The following CELSR3 variants were observed in gnomAD, a reference collection of about 807,000 sequenced individuals.
CELSR3 encodes cadherin EGF LAG seven-pass G-type receptor 3.
Under a neutral mutation model 270.0 loss-of-function variants are expected in CELSR3, and 73 were observed. The ratio of observed to expected loss-of-function variants is 0.27; its 90% CI spans 0.22 to 0.33. The LOEUF (loss-of-function observed/expected upper bound fraction) is 0.33, where lower values mean the gene tolerates loss of function less well. Ranked by LOEUF, CELSR3 falls within the 10% of genes least tolerant of loss-of-function variation. CELSR3 has a pLI of 1.00. For synonymous variants in CELSR3, 1,780 were observed against 1,905.4 expected (o/e 0.93, Z 1.71); for missense variants, 3,614 against 4,533.8 (o/e 0.80, Z 5.83).
rs775987993 is a variant in CELSR3, at chr3:48,652,981, C to A, written c.5634+21G>T. On this transcript the variant is annotated intron_variant, in intron 10 of 34. Transcript: ENST00000164024. The surrounding 1 kb of genome is among the most constrained non-coding windows in gnomAD (Gnocchi z 4.3). ...TGGTTGGAAGGCTGAGAACAGACTACCCCGGGGTCAGAGGCCAGACCTGGA... is the reference window on the plus strand; with the variant it reads ...TGGTTGGAAGGCTGAGAACAGACTAACCCGGGGTCAGAGGCCAGACCTGGA... The A allele has an allele frequency of 6.2e-7, 1 of 1,608,398 alleles. No individual in the cohort carries two copies. The highest frequency in any genetic ancestry group is 1.1e-5 in the South Asian group (1 of 90,780).
In CELSR3 at chr3:48,644,709, C is replaced by T. The variant is rs376529175; in HGVS notation, c.8085+7G>A. On this transcript the variant is annotated splice_region_variant and intron_variant, in intron 26 of 34. Transcript: ENST00000164024. This position sits in a 1 kb window ranked among gnomAD's most constrained non-coding sequence, Gnocchi z 4.8. ...TACAGAGGGGGCACCAAGTCCAGGGCACTCACCACTATGACCAGGACAACA... is the reference window on the plus strand; with the variant it reads ...TACAGAGGGGGCACCAAGTCCAGGGTACTCACCACTATGACCAGGACAACA... 4 of 1,607,394 alleles carry T rather than the reference C, an allele frequency of 2.5e-6. No homozygotes were observed. The highest frequency in any genetic ancestry group is 3.4e-6 in the Non-Finnish European group (4 of 1,174,598).
chr3:48,643,862 A>C (rs988597441), intron 27 of CELSR3, 185 bp from the exon 28 acceptor site: 1 of 675,540 alleles, frequency 1.5e-6, no homozygotes. Context: ...ACAGGAGAGC[A>C]GTCAAAGAGC....
rs749822186 is a variant in CELSR3, at chr3:48,661,402, C to T, written c.1233G>A (p.Pro411=). ...CCACCATCGTGGTGGCCGAGAGGCG[C>T]GGCGACCCGTGGTCCTGCGCGGTCA... ...LRVTAQDHGS[P]RLSATTMVAV... Residue 411 remains proline (P), a synonymous_variant, in exon 1 of 35, where the codon CCG becomes CCA. Transcript: ENST00000164024. 1 of 1,612,364 alleles carries T rather than the reference C, an allele frequency of 6.2e-7. No homozygotes were observed. Among genetic ancestry groups the T allele is most frequent in the Non-Finnish European group, 8.5e-7 (1 of 1,179,798 alleles).
Position 48,650,274 on chromosome 3 carries a change from C to A in CELSR3, c.6472+206G>T. ...CACCTGAGCAAACACGTACCCCTTA[C>A]CTGCACCCCGCAATCCTGCCCAGAA... On this transcript the variant is annotated intron_variant, in intron 16 of 34. Coordinates refer to ENST00000164024, the MANE Select transcript of CELSR3 (RefSeq NM_001407.3). This position sits in a 1 kb window ranked among gnomAD's most constrained non-coding sequence, Gnocchi z 5.1. 1.5e-6 allele frequency: 1 copy of A among 677,372 alleles called. No individual in the cohort carries two copies. 42.0% of individuals were successfully genotyped at this position (677,372 alleles called of 1,614,324 possible).
Position 48,644,588 on chromosome 3 carries a change from G to GA in CELSR3, c.8085+127dup, listed in dbSNP as rs1376596853. On this transcript the variant is annotated intron_variant, in intron 26 of 34. Transcript: ENST00000164024. The surrounding 1 kb of genome is among the most constrained non-coding windows in gnomAD (Gnocchi z 4.8). ...GGGGGTGGCTACTGACCAGAGGACA[G>GA]AAAAAATGAAGGCCGAGCCCAGGAA... The GA allele has an allele frequency of 3.9e-6, 3 of 764,286 alleles. No individual in the cohort carries two copies. The highest frequency in any genetic ancestry group is 6.5e-6 in the Non-Finnish European group (3 of 460,798). The allele number at this position is 764,286 out of a possible 1,614,324, so 47.3% of individuals were successfully genotyped here.
At position 48,654,597 on chromosome 3, in the gene CELSR3, A is replaced by G; in HGVS notation, c.4989-145T>C. ...AGGCCGAGCTGTGGAAGGAGTTAGGATCTTACTTCAGTTGGGGTGCAAAGG... is the reference window on the plus strand; with the variant it reads ...AGGCCGAGCTGTGGAAGGAGTTAGGGTCTTACTTCAGTTGGGGTGCAAAGG... On this transcript the variant is annotated intron_variant, in intron 6 of 34. Transcript: ENST00000164024. This position sits in a 1 kb window ranked among gnomAD's most constrained non-coding sequence, Gnocchi z 5.4. The G allele has an allele frequency of 1.4e-6, 1 of 720,658 alleles. No individual in the cohort carries two copies. Among genetic ancestry groups the G allele is most frequent in the Non-Finnish European group, 2.3e-6 (1 of 439,748 alleles). The allele number at this position is 720,658 out of a possible 1,614,324, so 44.6% of individuals were successfully genotyped here. A position where few individuals can be genotyped will look rare whatever the true frequency, so the allele number is the denominator to read the frequency against.
chr3:48,640,374 G>A lies in CELSR3; in HGVS notation c.9211C>T (p.Gln3071Ter), dbSNP rs756567140. ...TGCCGCCGGAGGAGCAGGTCCAGCTGTTCTCTAGAAGAGTAGCGGCTGGCT... is the reference window on the plus strand; with the variant it reads ...TGCCGCCGGAGGAGCAGGTCCAGCTATTCTCTAGAAGAGTAGCGGCTGGCT... ...QPASRYSSRE[Q>*]LDLLLRRQLS... is the part of the protein sequence containing the mutation. The change falls in exon 34 of 35, where the codon CAG (glutamine) becomes TAG (stop). Residue 3071 changes from glutamine (Q) to a stop codon, truncating the protein, a stop_gained. Transcript: ENST00000164024. LOFTEE classifies it high-confidence loss of function. The surrounding 1 kb of genome is among the most constrained non-coding windows in gnomAD (Gnocchi z 7.5). 1.9e-6 allele frequency: 3 copies of A among 1,612,730 alleles called. No individual in the cohort carries two copies. The highest frequency in any genetic ancestry group is 1.3e-5 in the African/African-American group (1 of 75,028).
chr3:48,660,210 C>A lies in CELSR3; in HGVS notation c.2425G>T (p.Gly809Cys), dbSNP rs1168197128. The change falls in exon 1 of 35, where the codon GGT becomes TGT. Residue 809 changes from glycine (G) to cysteine (C), a missense_variant. Physicochemically the swap from Gly to Cys is radical, Grantham distance 159 (BLOSUM62 -3). This residue lies in a region of CELSR3 where 215 missense variants were observed against 241.2 expected (regional missense o/e 0.89). Transcript: ENST00000164024. The surrounding 1 kb of genome is among the most constrained non-coding windows in gnomAD (Gnocchi z 5.5). ...RNRFAISTQGGVGLVTLALPL... is the reference protein window; with the variant it reads ...RNRFAISTQGCVGLVTLALPL... ...AGAGCCAGAGTCACCAGACCCACAC[C>A]CCCCTGGGTGCTGATGGCAAAGCGA... 3.7e-6 allele frequency: 6 copies of A among 1,614,014 alleles called. No homozygotes were observed. Among genetic ancestry groups the A allele is most frequent in the East Asian group, 2.2e-5 (1 of 44,894 alleles).
chr3:48,659,603 G>A lies in CELSR3; in HGVS notation c.3032C>T (p.Thr1011Ile). The A allele has an allele frequency of 1.9e-6, 3 of 1,614,170 alleles. No individual in the cohort carries two copies. The highest frequency in any genetic ancestry group is 2.5e-6 in the Non-Finnish European group (3 of 1,180,044). Residue 1011 changes from threonine (T) to isoleucine (I), a missense_variant, in exon 1 of 35, where the codon ACC (threonine) becomes ATC (isoleucine). By Grantham distance (89) the Thr-to-Ile change is moderately conservative (BLOSUM62 -1). Coordinates refer to ENST00000164024, the MANE Select transcript of CELSR3 (RefSeq NM_001407.3). This position sits in a 1 kb window ranked among gnomAD's most constrained non-coding sequence, Gnocchi z 8.1. Reference protein sequence around the residue: ...QNGEDGDGDFTIEPTSGIVRT... With the variant: ...QNGEDGDGDFIIEPTSGIVRT... ...GACAATTCCAGAGGTGGGCTCAATG[G>A]TAAAATCTCCATCCCCATCTTCACC... is the stretch of plus-strand genomic sequence containing the variant.
At position 48,645,805 on chromosome 3, in the gene CELSR3, G is replaced by A. The variant is rs140380021; in HGVS notation, c.7527C>T (p.His2509=). 4.0e-5 allele frequency: 64 copies of A among 1,611,842 alleles called. No individual in the cohort carries two copies. The highest frequency in any genetic ancestry group is 1.7e-4 in the Middle Eastern group (1 of 6,060). Residue 2509 remains histidine (H), a synonymous_variant, in exon 23 of 35, where the codon CAC becomes CAT. Transcript: ENST00000164024. The surrounding 1 kb of genome is among the most constrained non-coding windows in gnomAD (Gnocchi z 5.4). ...CTGTCCGGCTGCAGCGACACCGTGC[G>A]TGGGACCCATTCCTGTGCACCAGCT... ...DCELVHRNGS[H]ARCRCSRTGT...
rs760415125 is a variant in CELSR3, at chr3:48,655,028, G to A, written c.4988+16C>T. The A allele has an allele frequency of 8.7e-6, 14 of 1,613,190 alleles. No homozygotes were observed. In the African/African-American group the frequency reaches 1.3e-4, roughly 15 times the overall value. On this transcript the variant is annotated intron_variant, in intron 6 of 34. Transcript: ENST00000164024. This position sits in a 1 kb window ranked among gnomAD's most constrained non-coding sequence, Gnocchi z 5.8. ...GGTAGGCAGGGGACAAGGGGACTAG[G>A]GGGCAGGGGCCTCACTTCTTGGAGC...
chr3:48,656,526 TCATCG>T (rs2077023490), intron 2 of CELSR3, among the ~76,000 whole-genome samples, 161 bp from the exon 3 acceptor site: 1 of 152,158 alleles, frequency 6.6e-6, no homozygotes, highest in Non-Finnish European at 1.5e-5. Context: ...CTCCCCAGTC[TCATCG>T]CTGCCTCGGC....
Position 48,651,354 on chromosome 3 carries a change from C to A in CELSR3, c.6186+5G>T, listed in dbSNP as rs752405672. ...AAGGGTTAAAAGGTCAGGGGCCAGG[C>A]GCACCTTGCAGTGACACTGCCCATT... On this transcript the variant is annotated splice_donor_5th_base_variant and intron_variant, in intron 14 of 34. Coordinates refer to ENST00000164024, the MANE Select transcript of CELSR3 (RefSeq NM_001407.3). This position sits in a 1 kb window ranked among gnomAD's most constrained non-coding sequence, Gnocchi z 7.4. 6.2e-7 allele frequency: 1 copy of A among 1,613,894 alleles called. No individual in the cohort carries two copies. Among genetic ancestry groups the A allele is most frequent in the South Asian group, 1.1e-5 (1 of 91,072 alleles).
chr3:48,640,596 G>A lies in CELSR3; in HGVS notation c.9026-37C>T. Reference sequence around the variant, plus strand: ...AGAAAATGGGGGGCAGGGTTTGTGTGGGAGGGGGAGGGCAGGCAGGAATTG... The same window carrying A: ...AGAAAATGGGGGGCAGGGTTTGTGTAGGAGGGGGAGGGCAGGCAGGAATTG... On this transcript the variant is annotated intron_variant, in intron 33 of 34. Transcript: ENST00000164024. The surrounding 1 kb of genome is among the most constrained non-coding windows in gnomAD (Gnocchi z 7.5). 1 of 1,499,346 alleles carries A rather than the reference G, an allele frequency of 6.7e-7. No individual in the cohort carries two copies. The highest frequency in any genetic ancestry group is 2.4e-5 in the East Asian group (1 of 40,822). 92.9% of individuals were successfully genotyped at this position (1,499,346 alleles called of 1,614,324 possible).
Position 48,654,534 on chromosome 3 carries a change from T to TA in CELSR3, c.4989-83dup. 1 of 1,226,118 alleles carries TA rather than the reference T, an allele frequency of 8.2e-7. No homozygotes were observed. The allele number at this position is 1,226,118 out of a possible 1,614,324, so 76.0% of individuals were successfully genotyped here. ...TGGGGGGCCACAGGAAGCAGGGGGG[T>TA]AGGACCCAGAGGGTAGGGTGATTGA... On this transcript the variant is annotated intron_variant, in intron 6 of 34. Transcript: ENST00000164024. This position sits in a 1 kb window ranked among gnomAD's most constrained non-coding sequence, Gnocchi z 5.4.
Position 48,644,055 on chromosome 3 carries a change from G to A in CELSR3, c.8165+161C>T. 1 of 627,258 alleles carries A rather than the reference G, an allele frequency of 1.6e-6. No individual in the cohort carries two copies. The highest frequency in any genetic ancestry group is 2.0e-5 in the South Asian group (1 of 50,078). The allele number at this position is 627,258 out of a possible 1,614,324, so 38.9% of individuals were successfully genotyped here. On this transcript the variant is annotated intron_variant, in intron 27 of 34. Transcript: ENST00000164024. This position sits in a 1 kb window ranked among gnomAD's most constrained non-coding sequence, Gnocchi z 4.8. ...CACATGTGGGGCTACAGTATAGCGA[G>A]GGCGCCAGAGAGGGACCACAGGTCA...
rs371319974 is a variant in CELSR3, at chr3:48,662,168, C to T, written c.467G>A (p.Gly156Glu). ...GPLQRGSLSP[G>E]ALSSGVPGSG... ...GCCCGGGACCCCTGAGGACAGAGCC[C>T]CTGGTGACAGACTACCTCTTTGCAA... is the stretch of plus-strand genomic sequence containing the variant. Residue 156 changes from glycine to glutamate, a missense_variant, in exon 1 of 35, where the codon GGG becomes GAG. Physicochemically the swap from Gly to Glu is moderately conservative, Grantham distance 98. Transcript: ENST00000164024. The surrounding 1 kb of genome is among the most constrained non-coding windows in gnomAD (Gnocchi z 7.1). The T allele has an allele frequency of 6.2e-7, 1 of 1,612,420 alleles. No homozygotes were observed. The highest frequency in any genetic ancestry group is 1.3e-5 in the African/African-American group (1 of 74,888).
rs1337848292 is a variant in CELSR3 at position 48,660,770 on chromosome 3, G to A, written c.1865C>T (p.Ala622Val). Residue 622 changes from alanine (A) to valine (V), a missense_variant, in exon 1 of 35, where the codon GCG (alanine) becomes GTG (valine). By Grantham distance (64) the Ala-to-Val change is moderately conservative. Coordinates refer to ENST00000164024, the MANE Select transcript of CELSR3 (RefSeq NM_001407.3). The surrounding 1 kb of genome is among the most constrained non-coding windows in gnomAD (Gnocchi z 5.5). Reference sequence around the variant, plus strand: ...CAGCGGTGGCCGGCCAGCATCCTGCGCCCTGATGCGCAAGGCATACTCTCT... The same window carrying A: ...CAGCGGTGGCCGGCCAGCATCCTGCACCCTGATGCGCAAGGCATACTCTCT... ...AEREYALRIR[A>V]QDAGRPPLSN... 3 of 1,613,966 alleles carry A rather than the reference G, an allele frequency of 1.9e-6. No individual in the cohort carries two copies. The highest frequency in any genetic ancestry group is 1.3e-5 in the African/African-American group (1 of 74,920).
rs915139927 is a variant in CELSR3 at position 48,640,898 on chromosome 3, C to T, written c.9026-339G>A. The stretch of plus-strand genomic sequence containing the variant: ...GCCTGGCTGAAATGCAGGAACCCCC[C>T]GGGTTGGACAGGAGCAGTCCCCAGG... On this transcript the variant is annotated intron_variant, in intron 33 of 34. Coordinates refer to ENST00000164024, the MANE Select transcript of CELSR3 (RefSeq NM_001407.3). This position sits in a 1 kb window ranked among gnomAD's most constrained non-coding sequence, Gnocchi z 7.5. 2.1e-5 allele frequency: 9 copies of T among 426,772 alleles called. No homozygotes were observed. The highest frequency in any genetic ancestry group is 1.6e-4 in the South Asian group (4 of 25,694). The allele number at this position is 426,772 out of a possible 1,614,324, so 26.4% of individuals were successfully genotyped here.
Sources: allele counts gnomAD v4.1 joint callset (sites outside exome capture counted in the v4.1 genomes callset), GRCh38; gene constraint gnomAD v4.1.1; regional missense constraint gnomAD v4.1.1; non-coding constraint Gnocchi (gnomAD v3.1); transcripts MANE v1.5; gene names NCBI Gene and HGNC (gene_info 2026-07-23, HGNC 2026-07-21).